The following DMD variants were observed in gnomAD, a reference collection of about 807,000 sequenced individuals.
DMD encodes the protein mutant dystrophin.
In DMD, 63 loss-of-function variants were observed where a neutral mutation model predicts 330.1. The observed-to-expected ratio is 0.19, with a 90% CI of 0.16 to 0.24. The LOEUF (loss-of-function observed/expected upper bound fraction) is 0.24. DMD is among the 10% of genes least tolerant of loss of function. The pLI is 1.00. For synonymous variants in DMD, 1,223 were observed against 959.8 expected (o/e 1.27, Z -5.07); for missense variants, 3,344 against 2,684.1 (o/e 1.25, Z -5.43).
intron 55 of DMD, among the ~76,000 whole-genome samples, chrX:31,529,495 A>G (rs1184027835): frequency 8.9e-6 from 1 of 112,328 alleles, no homozygotes; most frequent in Non-Finnish European, 1.9e-5. Flanking sequence ...AACCTATAGC[A>G]GTCAATAAAA....
At chrX:32,804,173 G>T (rs1368367965) in intron 7 of DMD, among the ~76,000 whole-genome samples, 1 of 111,570 alleles carries the variant, frequency 9.0e-6, no homozygotes, top group Non-Finnish European at 1.9e-5. Flanking sequence ...GAGCCAAGTG[G>T]TCAAGTTCAG....
chrX:33,174,935 G>C (rs2049568618), intron 1 of DMD, among the ~76,000 whole-genome samples: 1 of 112,062 alleles, frequency 8.9e-6, no homozygotes, highest in African/African-American at 3.2e-5. Context: ...ACGTATGAGT[G>C]TAGATGTCTA....
chrX:31,177,916 C>CA lies in DMD; in HGVS notation c.10262+15dup, dbSNP rs748893368. The CA allele has an allele frequency of 1.9e-5, 23 of 1,196,406 alleles. No individual in the cohort carries two copies. The Admixed American group carries it at 2.2e-4, about 11-fold the overall frequency. Reference sequence around the variant, plus strand: ...TGTTGGTGGTAGCAGCACCCTTCAGCAAAAAAAGTACTCACGCAGAATCTA... The same window carrying CA: ...TGTTGGTGGTAGCAGCACCCTTCAGCAAAAAAAAGTACTCACGCAGAATCTA... On this transcript the variant is annotated intron_variant, in intron 71 of 78. Coordinates refer to ENST00000357033, the MANE Select transcript of DMD (RefSeq NM_004006.3).
chrX:31,504,675 T>C (rs1350618022), intron 56 of DMD, among the ~76,000 whole-genome samples: 1 of 111,938 alleles, frequency 8.9e-6, no homozygotes, highest in Non-Finnish European at 1.9e-5. Context: ...TCATCCCTAA[T>C]TACTGCCTAT....
intron 44 of DMD, among the ~76,000 whole-genome samples, chrX:32,028,999 T>C (rs2095865620): frequency 9.0e-6 from 1 of 111,583 alleles, no homozygotes; most frequent in Non-Finnish European, 1.9e-5. Context: ...ATTAATGCTC[T>C]GTTTTGAACA....
chrX:32,762,185 AAAAC>A (rs2072406739), intron 7 of DMD, among the ~76,000 whole-genome samples: 2 of 109,531 alleles, frequency 1.8e-5, no homozygotes, highest in African/African-American at 3.3e-5. Context: ...AAAATCAAAA[AAAAC>A]AAAAAAACCC....
chrX:32,075,436 G>GA (rs1384760464), intron 44 of DMD, among the ~76,000 whole-genome samples: 3 of 111,705 alleles, frequency 2.7e-5, no homozygotes, highest in East Asian at 5.6e-4. Context: ...TTACTTATGG[G>GA]AAAAAATCAA....
chrX:32,076,248 C>G (rs1913159714), intron 44 of DMD, among the ~76,000 whole-genome samples: 1 of 108,694 alleles, frequency 9.2e-6, no homozygotes, highest in African/African-American at 3.4e-5. Context: ...TGATACAAGG[C>G]AAATGGAGGT....
chrX:31,537,039 T>C (rs894850893), intron 55 of DMD, among the ~76,000 whole-genome samples: 1 of 111,790 alleles, frequency 8.9e-6, no homozygotes, highest in African/African-American at 3.3e-5. Context: ...TTCTCAATCA[T>C]GCCTGAACGT....
intron 25 of DMD, among the ~76,000 whole-genome samples, chrX:32,461,142 G>A (rs1203397528): frequency 9.0e-6 from 1 of 111,427 alleles, no homozygotes; most frequent in Non-Finnish European, 1.9e-5. Context: ...GCAGACATTG[G>A]CATCTGGTGA....
chrX:31,456,812 C>A (rs2066191875), intron 59 of DMD, among the ~76,000 whole-genome samples: 1 of 102,804 alleles, frequency 9.7e-6, no homozygotes, highest in South Asian at 4.6e-4. Context: ...TACTTTATAT[C>A]CACTAGATAC....
At chrX:32,103,342 T>C (rs1343721306) in intron 44 of DMD, among the ~76,000 whole-genome samples, 1 of 111,991 alleles carries the variant, frequency 8.9e-6, no homozygotes, top group Non-Finnish European at 1.9e-5. Context: ...GAAAGAAATA[T>C]TAAATATCAA....
chrX:31,728,488 C>G (rs1225997031), intron 52 of DMD, among the ~76,000 whole-genome samples: 1 of 112,067 alleles, frequency 8.9e-6, no homozygotes, highest in Non-Finnish European at 1.9e-5. Flanking sequence ...TAAATACTAG[C>G]TATTATCAAT....
At chrX:31,500,274 G>T (rs1371979808) in intron 56 of DMD, among the ~76,000 whole-genome samples, 4 of 112,149 alleles carry the variant, frequency 3.6e-5, no homozygotes, top group Non-Finnish European at 7.5e-5. Context: ...AGATTGCTAG[G>T]TGCCACCTCC....
At chrX:31,356,137 G>C (rs1342333937) in intron 60 of DMD, among the ~76,000 whole-genome samples, 1 of 111,640 alleles carries the variant, frequency 9.0e-6, no homozygotes, top group Non-Finnish European at 1.9e-5. Context: ...TTGACTTCAG[G>C]ATAGATCACG....
chrX:32,691,810 A>G (rs2063301747), intron 9 of DMD, among the ~76,000 whole-genome samples: 1 of 111,502 alleles, frequency 9.0e-6, no homozygotes, highest in Non-Finnish European at 1.9e-5. Flanking sequence ...TACATACAAG[A>G]GATTACTATT....
chrX:31,842,792 G>GTGC (rs2093342250), intron 48 of DMD, among the ~76,000 whole-genome samples: 1 of 111,653 alleles, frequency 9.0e-6, no homozygotes, highest in African/African-American at 3.3e-5. Flanking sequence ...GGGTGATACT[G>GTGC]AGGTTTGGAG....
intron 60 of DMD, among the ~76,000 whole-genome samples, chrX:31,411,683 G>T (rs5927751): frequency 0.4 from 43,942 of 109,676 alleles, 7,140 homozygotes; most frequent in African/African-American, 0.61. Flanking sequence ...ACCCAGGCTG[G>T]AGTGCAGTGG....
intron 55 of DMD, among the ~76,000 whole-genome samples, chrX:31,549,337 A>G (rs2074340181): frequency 9.0e-6 from 1 of 111,428 alleles, no homozygotes; most frequent in East Asian, 2.8e-4. Context: ...AAAAAAAAAA[A>G]TGGATTACTT....
Sources: allele counts gnomAD v4.1 joint callset (sites outside exome capture counted in the v4.1 genomes callset), GRCh38; gene constraint gnomAD v4.1.1; transcripts MANE v1.5; gene names NCBI Gene and HGNC (gene_info 2026-07-23, HGNC 2026-07-21).